Variants in DSN1 observed in about 807,000 individuals in gnomAD.
The protein encoded by DSN1 is kinetochore-associated protein DSN1 homolog.
Under a neutral mutation model 45.7 loss-of-function variants are expected in DSN1, and 31 were observed. That is an observed-to-expected ratio of 0.68 (90% CI 0.51 to 0.92). DSN1 has a LOEUF of 0.92. DSN1 is among the 40% of genes least tolerant of loss of function. The pLI is 0.00. For missense variants in DSN1, 394 were observed against 414.2 expected (o/e 0.95, Z 0.42); for synonymous variants, 134 against 142.3 (o/e 0.94, Z 0.41).
chr20:36,755,477 GTC>G (rs1283287066), intron 9 of DSN1, among the ~76,000 whole-genome samples: 3 of 151,852 alleles, frequency 2.0e-5, no homozygotes, highest in African/African-American at 7.3e-5. Flanking sequence ...TATACTGTCT[GTC>G]TCTCTTACCC....
intron 3 of DSN1, among the ~76,000 whole-genome samples, chr20:36,770,022 G>A (rs1230322540): frequency 6.7e-6 from 1 of 149,624 alleles, no homozygotes. Context: ...GGAGAGGGGT[G>A]GGGTGCAGGG....
intron 1 of DSN1, among the ~76,000 whole-genome samples, chr20:36,772,972 A>C (rs966211267): frequency 6.6e-6 from 1 of 152,226 alleles, no homozygotes. Context: ...CCTCCCTCCC[A>C]GCAGAAATCT....
intron 1 of DSN1, among the ~76,000 whole-genome samples, chr20:36,772,159 C>T (rs989451330): frequency 2.6e-5 from 4 of 152,088 alleles, no homozygotes; most frequent in Admixed American, 6.5e-5. Context: ...GGATTACAGG[C>T]GTGAGCCACC....
At chr20:36,757,670 C>G (rs1986750214) in intron 8 of DSN1, among the ~76,000 whole-genome samples, 1 of 152,212 alleles carries the variant, frequency 6.6e-6, no homozygotes, top group Non-Finnish European at 1.5e-5. Flanking sequence ...TCTTCCTCAT[C>G]ACCCACTTTC....
At chr20:36,755,548 C>T (rs868210221) in intron 9 of DSN1, 134 bp downstream of exon 9, 1 of 1,038,762 alleles carries the variant, frequency 9.6e-7, no homozygotes, top group Middle Eastern at 2.2e-4. Flanking sequence ...AATTGTCTCT[C>T]CATGTTTTCC....
At chr20:36,754,198 G>C (rs978452971) in intron 10 of DSN1, among the ~76,000 whole-genome samples, 1 of 152,008 alleles carries the variant, frequency 6.6e-6, no homozygotes, top group Non-Finnish European at 1.5e-5. Context: ...TGTGGTGGTG[G>C]TGGTGCATGC....
In DSN1 at chr20:36,770,980, TGAG is replaced by T. The variant is rs1321317752; in HGVS notation, c.245_247del (p.Pro82del). The T allele has an allele frequency of 6.2e-7, 1 of 1,614,094 alleles. No homozygotes were observed. Among genetic ancestry groups the T allele is most frequent in the East Asian group, 2.2e-5 (1 of 44,894 alleles). On this transcript the variant is annotated inframe_deletion, in exon 3 of 11. Coordinates refer to ENST00000373750, the MANE Select transcript of DSN1 (RefSeq NM_001145315.2). Reference sequence around the variant, plus strand: ...GTCTTGATAACTGGCAGATTGTTCTTGAGGAGACAAATGAAGGGACTTCGACTG... The same window carrying T: ...GTCTTGATAACTGGCAGATTGTTCTTGAGACAAATGAAGGGACTTCGACTG...
At chr20:36,754,727 A>G in intron 10 of DSN1, 36 bp downstream of exon 10, 1 of 1,584,316 alleles carries the variant, frequency 6.3e-7, no homozygotes, top group Non-Finnish European at 8.7e-7. Context: ...CATGGAAAAC[A>G]GCCTGAACTC....
chr20:36,771,235 C>T (rs772851030), intron 2 of DSN1, 42 bp from the exon 3 acceptor site: 102 of 1,557,862 alleles, frequency 6.5e-5, no homozygotes, highest in Non-Finnish European at 7.9e-5. Context: ...AGATCAAGCC[C>T]GCCACAACTA....
chr20:36,758,704 T>C, intron 6 of DSN1, 87 bp from the exon 7 acceptor site: 1 of 1,311,016 alleles, frequency 7.6e-7, no homozygotes, highest in Non-Finnish European at 1.0e-6. Flanking sequence ...TTTATTTATT[T>C]CAGACGGAGT....
At chr20:36,754,685 C>A in intron 10 of DSN1, 78 bp downstream of exon 10, 2 of 1,239,128 alleles carry the variant, frequency 1.6e-6, no homozygotes, top group Non-Finnish European at 1.2e-6. Flanking sequence ...GGACCATAGG[C>A]TTTGAAGGGC....
Position 36,773,645 on chromosome 20 carries a change from G to A in DSN1, c.-16+17C>T, listed in dbSNP as rs1987767342. ...TCTGTGACTTCCTGACGCCCGTCCA[G>A]TCCGGAACCTCCGTACCTGAAACAC... is the stretch of plus-strand genomic sequence containing the variant. On this transcript the variant is annotated intron_variant, in intron 1 of 10. Coordinates refer to ENST00000373750, the MANE Select transcript of DSN1 (RefSeq NM_001145315.2). 3.0e-6 allele frequency: 3 copies of A among 985,500 alleles called. No individual in the cohort carries two copies. In the South Asian group the frequency reaches 1.4e-4, roughly 46 times the overall value. The allele number at this position is 985,500 out of a possible 1,614,324, so 61.0% of individuals were successfully genotyped here. A position where few individuals can be genotyped will look rare whatever the true frequency, so the allele number is the denominator to read the frequency against.
intron 6 of DSN1, among the ~76,000 whole-genome samples, chr20:36,760,165 G>T (rs1986896545): frequency 6.6e-6 from 1 of 151,720 alleles, no homozygotes; most frequent in Non-Finnish European, 1.5e-5. Context: ...AATTGCTTGA[G>T]CCCAGGAGGT....
intron 1 of DSN1, 65 bp from the exon 2 acceptor site, chr20:36,771,538 C>T: frequency 1.4e-6 from 2 of 1,465,456 alleles, no homozygotes; most frequent in East Asian, 2.3e-5. Flanking sequence ...TGGGGCTTTA[C>T]AGCCCCAGAA....
chr20:36,766,646 CTG>C, intron 5 of DSN1, 121 bp downstream of exon 5: 2 of 837,998 alleles, frequency 2.4e-6, no homozygotes, highest in Non-Finnish European at 3.9e-6. Context: ...GAGTGAGACT[CTG>C]TCTAAAAAAC....
rs1157945471 is a variant in DSN1, at chr20:36,762,451, C to T, written c.590+10G>A. On this transcript the variant is annotated intron_variant, in intron 6 of 10. Transcript: ENST00000373750. ...ATCATAATTTAGGACAGAAGGGGAA[C>T]TGCTCTTACCCATTTGAATCTTCAA... 1.9e-6 allele frequency: 3 copies of T among 1,610,410 alleles called. No homozygotes were observed. The highest frequency in any genetic ancestry group is 1.3e-5 in the African/African-American group (1 of 74,776).
At chr20:36,755,973 TGTTTG>T in intron 8 of DSN1, 144 bp from the exon 9 acceptor site, 1 of 915,568 alleles carries the variant, frequency 1.1e-6, no homozygotes, top group Non-Finnish European at 1.6e-6. Flanking sequence ...GGTTTTTTTT[TGTTTG>T]TTTGTTTGTT....
At chr20:36,767,932 C>T (rs1243431999) in intron 4 of DSN1, 37 bp downstream of exon 4, 4 of 1,603,008 alleles carry the variant, frequency 2.5e-6, no homozygotes. Flanking sequence ...TAGCAGTTAA[C>T]AAACACAAAA....
At chr20:36,770,240 A>T (rs1315069714) in intron 3 of DSN1, among the ~76,000 whole-genome samples, 1 of 151,864 alleles carries the variant, frequency 6.6e-6, no homozygotes, top group Non-Finnish European at 1.5e-5. Context: ...CTATTTTTTT[A>T]AAAACTTTTT....
Sources: gnomAD v4.1 joint callset for allele counts (sites outside exome capture counted in the v4.1 genomes callset) on GRCh38, gnomAD v4.1.1 for gene constraint, MANE v1.5 for transcripts, NCBI Gene and HGNC (gene_info 2026-07-23, HGNC 2026-07-21) for gene names.